Variants in VTI1A observed in about 807,000 individuals in gnomAD.
The protein encoded by VTI1A is vesicle transport through interaction with t-SNAREs 1A.
In VTI1A, 22 loss-of-function variants were observed where a neutral mutation model predicts 34.9. That is an observed-to-expected ratio of 0.63 (90% confidence interval 0.45 to 0.90). The LOEUF is 0.90. VTI1A is among the 40% of genes least tolerant of loss of function. VTI1A has a pLI of 0.00. For synonymous variants in VTI1A, 87 were observed against 97.3 expected, an observed-to-expected ratio of 0.89 and a Z score of 0.62; for missense variants, 268 against 275.6, an observed-to-expected ratio of 0.97 and a Z score of 0.20.
rs181284987 is a variant in VTI1A at position 112,520,365 on chromosome 10, G to A, written c.265-6722G>A. The stretch of plus-strand genomic sequence containing the variant: ...ATAAACTGCAAGCATATGCAAGCAA[G>A]TGGGGCCATGATACTAACTTATGTT... On this transcript the variant is annotated intron_variant, in intron 3 of 7. Transcript: ENST00000393077. Among the ~76,000 whole-genome samples, 1,010 of 152,154 alleles carry A rather than the reference G, an allele frequency of 6.6e-3. 9 individuals are homozygous for A. Among genetic ancestry groups the A allele is most frequent in the Middle Eastern group, 0.01 (3 of 294 alleles).
At chr10:112,821,539 T>G (rs1226841498), downstream of VTI1A, among the ~76,000 whole-genome samples, 1 of 152,162 alleles carries the variant, frequency 6.6e-6, no homozygotes, top group Non-Finnish European at 1.5e-5. Flanking sequence ...CGCTCCAGTT[T>G]CTCCCCAGAA....
At chr10:112,834,799 C>T in the VTI1A span, among the ~76,000 whole-genome samples, 17 of 152,296 alleles carry the variant, frequency 1.1e-4, no homozygotes, top group South Asian at 6.2e-4. Flanking sequence ...CTCCTGAAAC[C>T]GGAAGGGGCC....
chr10:112,659,701 A>T (rs1847372820), intron 5 of VTI1A, among the ~76,000 whole-genome samples: 1 of 152,250 alleles, frequency 6.6e-6, no homozygotes, highest in Non-Finnish European at 1.5e-5. Context: ...ACAAACATAC[A>T]CGCACGCAGA....
At chr10:112,731,142 C>A (rs1194451001) in intron 7 of VTI1A, among the ~76,000 whole-genome samples, 1 of 152,112 alleles carries the variant, frequency 6.6e-6, no homozygotes, top group Non-Finnish European at 1.5e-5. Context: ...AGTTGGAATG[C>A]TTTCACCAAG....
intron 5 of VTI1A, among the ~76,000 whole-genome samples, chr10:112,558,692 A>G (rs1483506298): frequency 2.6e-5 from 4 of 152,158 alleles, no homozygotes; most frequent in African/African-American, 9.7e-5. Context: ...TAGTGTGGAG[A>G]TAAGCTGATT....
intron 7 of VTI1A, among the ~76,000 whole-genome samples, chr10:112,746,929 T>G (rs1354408300): frequency 1.3e-5 from 2 of 152,170 alleles, no homozygotes; most frequent in Non-Finnish European, 2.9e-5. Flanking sequence ...ATGTTTACAG[T>G]CCTTATCTCA....
intron 7 of VTI1A, among the ~76,000 whole-genome samples, chr10:112,769,594 G>A (rs550003635): frequency 4.6e-5 from 7 of 152,292 alleles, no homozygotes; most frequent in South Asian, 2.1e-4. Flanking sequence ...GAGCCTTGGT[G>A]AGGCCTAAAT....
intron 5 of VTI1A, among the ~76,000 whole-genome samples, chr10:112,659,919 T>G (rs1161023797): frequency 1.3e-5 from 2 of 152,264 alleles, no homozygotes; most frequent in Non-Finnish European, 2.9e-5. Context: ...AGCAGTCTAA[T>G]GTTGGGGACT....
chr10:112,744,783 C>T (rs375455023), intron 7 of VTI1A, among the ~76,000 whole-genome samples: 1 of 152,120 alleles, frequency 6.6e-6, no homozygotes, highest in Admixed American at 6.6e-5. Flanking sequence ...AGCTGTGCAT[C>T]GACATCCCTC....
At chr10:112,837,489 C>T in the VTI1A span, among the ~76,000 whole-genome samples, 1 of 152,316 alleles carries the variant, frequency 6.6e-6, no homozygotes, top group East Asian at 1.9e-4. Flanking sequence ...CCCCACAGCT[C>T]AATCAGAGCT....
intron 5 of VTI1A, among the ~76,000 whole-genome samples, chr10:112,586,868 C>T (rs184631996): frequency 6.6e-6 from 1 of 152,228 alleles, no homozygotes; most frequent in African/African-American, 2.4e-5. Flanking sequence ...GTGATTTAGT[C>T]GTCTAAAAAT....
At chr10:112,680,477 G>A (rs576360171) in intron 7 of VTI1A, among the ~76,000 whole-genome samples, 4 of 152,244 alleles carry the variant, frequency 2.6e-5, no homozygotes, top group African/African-American at 4.8e-5. Context: ...GTTCTTAGCA[G>A]CATTCTGGCG....
Position 112,816,697 on chromosome 10 carries a change from A to G in VTI1A, c.*1314A>G, listed in dbSNP as rs1011274869. Reference sequence around the variant, plus strand: ...TCATAGGCACTTACTGGTCCGTACTATCTTTGGAATATAATTAGAAGCTTT... The same window carrying G: ...TCATAGGCACTTACTGGTCCGTACTGTCTTTGGAATATAATTAGAAGCTTT... On this transcript the variant is annotated 3_prime_UTR_variant, in exon 8 of 8. Transcript: ENST00000393077. The G allele has an allele frequency of 8.8e-6, 2 of 226,270 alleles. No individual in the cohort carries two copies. Among genetic ancestry groups the G allele is most frequent in the Admixed American group, 1.1e-4 (2 of 17,560 alleles). The allele number at this position is 226,270 out of a possible 1,614,324, so 14.0% of individuals were successfully genotyped here. A position where few individuals can be genotyped will look rare whatever the true frequency, so the allele number is the denominator to read the frequency against.
chr10:112,825,768 C>G, the VTI1A span: 1 of 152,266 alleles, frequency 6.6e-6, no homozygotes, highest in Non-Finnish European at 1.5e-5. Context: ...TTCCTTCTTT[C>G]AACCTTCCGG....
chr10:112,597,737 G>A (rs1844717474), intron 5 of VTI1A, among the ~76,000 whole-genome samples: 1 of 123,154 alleles, frequency 8.1e-6, no homozygotes, highest in South Asian at 2.6e-4. Context: ...TCGCTCTGTC[G>A]CCCAGGCTGG....
chr10:112,486,076 A>G (rs948539300), intron 3 of VTI1A, among the ~76,000 whole-genome samples: 1 of 152,174 alleles, frequency 6.6e-6, no homozygotes, highest in South Asian at 2.1e-4. Context: ...TTTCTGTCCC[A>G]CACATATTTT....
intron 3 of VTI1A, among the ~76,000 whole-genome samples, chr10:112,521,412 A>G (rs917235783): frequency 6.6e-6 from 1 of 152,066 alleles, no homozygotes; most frequent in Non-Finnish European, 1.5e-5. Flanking sequence ...ACTTTCAGCC[A>G]TGTATGCCTA....
At chr10:112,680,023 C>A (rs1298635406) in intron 7 of VTI1A, among the ~76,000 whole-genome samples, 2 of 152,028 alleles carry the variant, frequency 1.3e-5, no homozygotes, top group Non-Finnish European at 2.9e-5. Context: ...ACAACCAACT[C>A]CAAAAAAAAG....
In VTI1A at chr10:112,816,025, G is replaced by A; in HGVS notation, c.*642G>A. ...CAAAGATATTTTTTTTGCTGAGCCTGCCCAGTATTCACTGTTCACAACTTT... is the reference window on the plus strand; with the variant it reads ...CAAAGATATTTTTTTTGCTGAGCCTACCCAGTATTCACTGTTCACAACTTT... On this transcript the variant is annotated 3_prime_UTR_variant, in exon 8 of 8. Transcript: ENST00000393077. 1 of 222,254 alleles carries A rather than the reference G, an allele frequency of 4.5e-6. No homozygotes were observed. Among genetic ancestry groups the A allele is most frequent in the South Asian group, 1.8e-4 (1 of 5,422 alleles). 13.8% of individuals were successfully genotyped at this position (222,254 alleles called of 1,614,324 possible). A position where few individuals can be genotyped will look rare whatever the true frequency, so the allele number is the denominator to read the frequency against.
Sources: gnomAD v4.1 joint callset for allele counts (sites outside exome capture counted in the v4.1 genomes callset) on GRCh38, gnomAD v4.1.1 for gene constraint, MANE v1.5 for transcripts, NCBI Gene and HGNC (gene_info 2026-07-23, HGNC 2026-07-21) for gene names.